Variants in CEP72 observed in about 807,000 individuals in gnomAD.
CEP72 encodes the protein centrosomal protein of 72 kDa.
In CEP72, 78 loss-of-function variants were observed where a neutral mutation model predicts 65.7. The observed-to-expected ratio is 1.19, with a 90% CI of 0.99 to 1.43. CEP72 has a LOEUF of 1.43. Ranked by LOEUF, CEP72 falls within the 40% of genes most tolerant of loss-of-function variation. The probability of loss-of-function intolerance (pLI) is 0.00; values close to 1 mark genes in which losing one functional copy is unlikely to be tolerated. For synonymous variants in CEP72, 358 were observed against 351.7 expected (o/e 1.02, Z -0.20); for missense variants, 914 against 832.9 (o/e 1.10, Z -1.20).
intron 11 of CEP72, among the ~76,000 whole-genome samples, chr5:648,511 G>GAGGTGT (rs1561061106): frequency 2.5e-4 from 29 of 116,456 alleles, no homozygotes; most frequent in African/African-American, 5.5e-4. Context: ...TGTGAGGTGT[G>GAGGTGT]GACTGTGAGG....
chr5:675,883 C>T, the CEP72 span: 5 of 152,316 alleles, frequency 3.3e-5, no homozygotes, highest in South Asian at 1.0e-3. Context: ...TCACACCGGC[C>T]AGTGGCTGAG....
downstream of CEP72, among the ~76,000 whole-genome samples, chr5:654,455 CTGTG>C (rs70955277): frequency 2.5e-4 from 38 of 149,024 alleles, no homozygotes; most frequent in African/African-American, 8.6e-4. Flanking sequence ...GTGTGTGCTT[CTGTG>C]TGTGTGTGTG....
intron 5 of CEP72, among the ~76,000 whole-genome samples, chr5:634,487 G>C (rs1206388602): frequency 3.3e-5 from 5 of 152,236 alleles, no homozygotes. Flanking sequence ...ACCTGAGTTT[G>C]GGCTGAAATC....
chr5:654,472 T>C (rs1028171280), downstream of CEP72, among the ~76,000 whole-genome samples: 8 of 152,136 alleles, frequency 5.3e-5, no homozygotes, highest in Admixed American at 2.6e-4. Context: ...TGTGTGTGTG[T>C]GCGTGTGGAT....
At chr5:670,647 C>T (rs193205988), downstream of CEP72, among the ~76,000 whole-genome samples, 318 of 152,260 alleles carry the variant, frequency 2.1e-3, 1 homozygote, top group African/African-American at 7.3e-3. Context: ...TCCTGCACGT[C>T]GCTCCGAGTT....
chr5:667,343 G>A (rs1030212044), downstream of CEP72, among the ~76,000 whole-genome samples: 1 of 152,200 alleles, frequency 6.6e-6, no homozygotes, highest in Non-Finnish European at 1.5e-5. Context: ...TTCCACAAGT[G>A]GAGCTGGAGC....
At chr5:648,877 TGAGGTGTGACTG>T (rs1738664931) in intron 11 of CEP72, among the ~76,000 whole-genome samples, 1 of 97,022 alleles carries the variant, frequency 1.0e-5, no homozygotes, top group Non-Finnish European at 2.1e-5. Flanking sequence ...GGTGTGACTG[TGAGGTGTGACTG>T]TGAGGCGTGG....
chr5:655,584 G>A (rs958615721), downstream of CEP72: 1 of 152,060 alleles, frequency 6.6e-6, no homozygotes, highest in East Asian at 1.9e-4. The surrounding 1 kb of genome is among the most constrained non-coding windows in gnomAD (Gnocchi z 5.0). Context: ...CCTTCACTCC[G>A]GTGGGTGTGG....
chr5:666,053 A>G, exon 4 of CEP72: 1 of 1,611,690 alleles, frequency 6.2e-7, no homozygotes, highest in Non-Finnish European at 8.5e-7. Flanking sequence ...TTGTCTTTGA[A>G]TCGCTTCTTG....
In CEP72 at chr5:647,703, T is replaced by C; in HGVS notation, c.1667-102T>C. ...ATCTTTTCCAGCTATATTCTTTTTC[T>C]GGTAACCAAGATCCAGTTTAAATGT... On this transcript the variant is annotated intron_variant, in intron 10 of 11. Transcript: ENST00000264935. The C allele has an allele frequency of 6.4e-6, 5 of 781,128 alleles. No homozygotes were observed. In the South Asian group the frequency reaches 8.9e-5, roughly 14 times the overall value. The allele number at this position is 781,128 out of a possible 1,614,324, so 48.4% of individuals were successfully genotyped here. A position where few individuals can be genotyped will look rare whatever the true frequency, so the allele number is the denominator to read the frequency against.
At chr5:635,818 A>C (rs1405146167) in intron 6 of CEP72, among the ~76,000 whole-genome samples, 2 of 152,296 alleles carry the variant, frequency 1.3e-5, no homozygotes, top group Non-Finnish European at 2.9e-5. Context: ...TCGGGAACCC[A>C]GCCCTGCGCT....
In CEP72 at chr5:653,124, G is replaced by T. The variant is rs184127657; in HGVS notation, c.1915G>T (p.Ala639Ser). The change falls in exon 12 of 12, where the codon GCC becomes TCC. Residue 639 changes from alanine to serine, a missense_variant. Transcript: ENST00000264935. Reference sequence around the variant, plus strand: ...CATGGCCCTGTTTCCACACAGCAGCGCCAGCCATGGAGGCTGCCAGGCCTG... The same window carrying T: ...CATGGCCCTGTTTCCACACAGCAGCTCCAGCCATGGAGGCTGCCAGGCCTG... Reference protein sequence around the residue: ...KTMALFPHSSASHGGCQAC With the variant: ...KTMALFPHSSSSHGGCQAC 5.8e-5 allele frequency: 94 copies of T among 1,611,108 alleles called. No individual in the cohort carries two copies. The highest frequency in any genetic ancestry group is 7.6e-5 in the Non-Finnish European group (90 of 1,179,436).
Position 623,312 on chromosome 5 carries a change from G to A in CEP72, c.404-1159G>A, listed in dbSNP as rs550326562. Reference sequence around the variant, plus strand: ...GGGAACCACGGAGGTGCGGGGCCCCGGGACGGCCTGCTGCCCTGCGTGGTG... The same window carrying A: ...GGGAACCACGGAGGTGCGGGGCCCCAGGACGGCCTGCTGCCCTGCGTGGTG... On this transcript the variant is annotated intron_variant, in intron 3 of 11. Coordinates refer to ENST00000264935, the MANE Select transcript of CEP72 (RefSeq NM_018140.4). The surrounding 1 kb of genome is among the most constrained non-coding windows in gnomAD (Gnocchi z 5.3). Among the ~76,000 whole-genome samples the A allele has an allele frequency of 2.6e-5, 4 of 152,352 alleles. No homozygotes were observed. Among genetic ancestry groups the A allele is most frequent in the South Asian group, 2.1e-4 (1 of 4,822 alleles).
chr5:612,990 A>G (rs1375780545), intron 1 of CEP72, among the ~76,000 whole-genome samples: 4 of 152,026 alleles, frequency 2.6e-5, no homozygotes. Context: ...GTTTCCTGGA[A>G]TTTTCCAGTG....
intron 1 of CEP72, among the ~76,000 whole-genome samples, chr5:615,842 C>T (rs929562109): frequency 1.5e-4 from 23 of 152,042 alleles, no homozygotes; most frequent in African/African-American, 5.6e-4. Flanking sequence ...GTATGGTTTT[C>T]ATAGTGGTGG....
intron 3 of CEP72, among the ~76,000 whole-genome samples, chr5:621,118 A>G (rs1234018450): frequency 6.6e-6 from 1 of 152,146 alleles, no homozygotes; most frequent in African/African-American, 2.4e-5. Context: ...ACCTGAGTTA[A>G]TATCTGTAAG....
intron 11 of CEP72, among the ~76,000 whole-genome samples, chr5:651,879 A>C (rs1580045021): frequency 2.2e-4 from 8 of 35,724 alleles, no homozygotes; most frequent in East Asian, 6.8e-4. Flanking sequence ...TCCCTCCCCC[A>C]CTCCTCAGGC....
At chr5:663,668 G>A (rs1739776498) in intron 2 of CEP72, 1 of 152,482 alleles carries the variant, frequency 6.6e-6, no homozygotes, top group South Asian at 2.1e-4. Flanking sequence ...TGAGGGAGGG[G>A]CCTCGCCACC....
rs186389959 is a variant in CEP72 at position 652,836 on chromosome 5, C to G, written c.1779-152C>G. ...GGCAGGTGGGCGGTAGCCAGTGGGACACAGAAGGTGATGGGGCCACAGAGA... is the reference window on the plus strand; with the variant it reads ...GGCAGGTGGGCGGTAGCCAGTGGGAGACAGAAGGTGATGGGGCCACAGAGA... On this transcript the variant is annotated intron_variant, in intron 11 of 11. Transcript: ENST00000264935. 90 of 842,914 alleles carry G rather than the reference C, an allele frequency of 1.1e-4. No homozygotes were observed. The East Asian group carries it at 2.6e-3, about 24-fold the overall frequency. 52.2% of individuals were successfully genotyped at this position (842,914 alleles called of 1,614,324 possible).
Sources: allele counts gnomAD v4.1 joint callset (sites outside exome capture counted in the v4.1 genomes callset), GRCh38; gene constraint gnomAD v4.1.1; non-coding constraint Gnocchi (gnomAD v3.1); transcripts MANE v1.5; gene names NCBI Gene and HGNC (gene_info 2026-07-23, HGNC 2026-07-21).